The following OLA1 variants were observed in gnomAD, a reference collection of about 807,000 sequenced individuals.
OLA1 encodes obg-like ATPase 1.
In OLA1, 14 loss-of-function variants were observed where a neutral mutation model predicts 48.4. That is an observed-to-expected ratio of 0.29 (90% CI 0.19 to 0.45). The LOEUF is 0.45. OLA1 is among the 20% of genes least tolerant of loss of function. The pLI, the probability that OLA1 is intolerant of heterozygous loss-of-function variation, is 1.00. For missense variants in OLA1, 325 were observed against 467.1 expected (o/e 0.70, Z 2.80); for synonymous variants, 127 against 150.4 (o/e 0.84, Z 1.14).
At chr2:174,188,864 A>T (rs1020163581) in intron 4 of OLA1, among the ~76,000 whole-genome samples, 1 of 152,230 alleles carries the variant, frequency 6.6e-6, no homozygotes. Context: ...AAGATATCTC[A>T]TTATGTATAT....
intron 4 of OLA1, among the ~76,000 whole-genome samples, chr2:174,222,174 A>G (rs1688520277): frequency 1.3e-5 from 2 of 152,186 alleles, no homozygotes; most frequent in Admixed American, 1.3e-4. Context: ...GCTTATGCAA[A>G]CCACAGAGGT....
chr2:174,223,038 A>G lies in OLA1; in HGVS notation c.368T>C (p.Leu123Pro). Residue 123 changes from leucine to proline, a missense_variant, in exon 4 of 11, where the codon CTA becomes CCA. Transcript: ENST00000284719. Reference sequence around the variant, plus strand: ...AAATAAACAACTGTACTTACGTGTTAGATGAAAGATGCCATCACAGGCACT... The same window carrying G: ...AAATAAACAACTGTACTTACGTGTTGGATGAAAGATGCCATCACAGGCACT... ...HISACDGIFH[L>P]TRAFEDDDIT... is the part of the protein sequence containing the mutation. The G allele has an allele frequency of 6.2e-7, 1 of 1,612,130 alleles. No individual in the cohort carries two copies.
intron 5 of OLA1, among the ~76,000 whole-genome samples, chr2:174,126,371 G>T (rs2105369780): frequency 6.6e-6 from 1 of 152,194 alleles, no homozygotes; most frequent in East Asian, 1.9e-4. Flanking sequence ...TTCAGAAGTT[G>T]CCTTAGGTTC....
intron 2 of OLA1, among the ~76,000 whole-genome samples, chr2:174,234,299 T>C (rs1384129686): frequency 1.3e-5 from 2 of 152,322 alleles, no homozygotes; most frequent in African/African-American, 2.4e-5. Flanking sequence ...ATACAAAATA[T>C]AGCTTAATCA....
chr2:174,144,941 AAAAAAAAAAAATATATAT>A (rs1349683110), intron 4 of OLA1, among the ~76,000 whole-genome samples: 8 of 64,330 alleles, frequency 1.2e-4, no homozygotes, highest in Non-Finnish European at 2.5e-4. Context: ...AAAAAAAAAA[AAAAAAAAAAAATATATAT>A]ATATATATAT....
At chr2:174,098,204 G>A (rs894469243) in intron 7 of OLA1, among the ~76,000 whole-genome samples, 2 of 152,150 alleles carry the variant, frequency 1.3e-5, no homozygotes, top group Non-Finnish European at 2.9e-5. Context: ...TGTTAGATGA[G>A]AAATAAAATA....
chr2:174,172,856 G>T (rs763029033), intron 4 of OLA1: 2 of 152,434 alleles, frequency 1.3e-5, no homozygotes, highest in Non-Finnish European at 2.9e-5. Flanking sequence ...CCTCATGAAA[G>T]ACTTGGTGCT....
intron 5 of OLA1, among the ~76,000 whole-genome samples, chr2:174,137,674 G>T (rs931736841): frequency 6.6e-6 from 1 of 152,228 alleles, no homozygotes; most frequent in African/African-American, 2.4e-5. Context: ...GCAGTTTTAT[G>T]TTAGGGCTAT....
intron 4 of OLA1, among the ~76,000 whole-genome samples, chr2:174,203,764 C>A (rs565432899): frequency 6.5e-4 from 98 of 151,306 alleles, no homozygotes; most frequent in African/African-American, 2.2e-3. Flanking sequence ...GTATACTGTA[C>A]AATTTTATAT....
In OLA1 at chr2:174,123,212, A is replaced by C; in HGVS notation, c.696T>G (p.Ser232=). ...TTTTCTTTCTAATGTAGTCTTTTTC[A>C]GAAAGATTAACCAAGTAGACCATTG... The part of the protein sequence containing the change: ...SKPMVYLVNL[S]EKDYIRKKNK... Residue 232 remains serine (S), a synonymous_variant, in exon 7 of 11, where the codon TCT becomes TCG. Coordinates refer to ENST00000284719, the MANE Select transcript of OLA1 (RefSeq NM_013341.5). The C allele has an allele frequency of 6.4e-7, 1 of 1,572,558 alleles. No homozygotes were observed. The highest frequency in any genetic ancestry group is 8.7e-7 in the Non-Finnish European group (1 of 1,147,750).
At chr2:174,085,436 T>G (rs995828809) in intron 7 of OLA1, among the ~76,000 whole-genome samples, 14 of 152,298 alleles carry the variant, frequency 9.2e-5, no homozygotes, top group African/African-American at 3.1e-4. Context: ...TGTGCGCTCC[T>G]TACAAGAATC....
At position 174,140,406 on chromosome 2, in the gene OLA1, C is replaced by T. The variant is rs145721269; in HGVS notation, c.549+1419G>A. Among the ~76,000 whole-genome samples the T allele has an allele frequency of 1.1e-4, 17 of 150,956 alleles. No homozygotes were observed. The East Asian group carries it at 2.9e-3, about 26-fold the overall frequency. On this transcript the variant is annotated intron_variant, in intron 5 of 10. Coordinates refer to ENST00000284719, the MANE Select transcript of OLA1 (RefSeq NM_013341.5). ...TAATTGAGACCGAGTCTCACTCTGT[C>T]GCCCAGCCTGGAGTGCAGTGGCATG...
At chr2:174,129,224 C>T (rs1167565412) in intron 5 of OLA1, among the ~76,000 whole-genome samples, 5 of 151,974 alleles carry the variant, frequency 3.3e-5, no homozygotes, top group African/African-American at 9.7e-5. Context: ...TTTGGGAGGC[C>T]GAGGCAGGCG....
chr2:174,079,685 A>C (rs1028521302), intron 9 of OLA1, among the ~76,000 whole-genome samples: 1 of 151,928 alleles, frequency 6.6e-6, no homozygotes, highest in African/African-American at 2.4e-5. Context: ...GAAATGTCTT[A>C]TAATTAACCC....
At chr2:174,221,745 T>C (rs1055830568) in intron 4 of OLA1, among the ~76,000 whole-genome samples, 1 of 152,174 alleles carries the variant, frequency 6.6e-6, no homozygotes, top group Non-Finnish European at 1.5e-5. Context: ...TTTCAACAAA[T>C]GGTATCACAA....
At chr2:174,195,000 C>T (rs576757287) in intron 4 of OLA1, among the ~76,000 whole-genome samples, 86 of 152,156 alleles carry the variant, frequency 5.7e-4, no homozygotes, top group African/African-American at 1.9e-3. Flanking sequence ...TATTCCAGAT[C>T]GGAAGGGACC....
At chr2:174,093,333 G>A (rs1685169852) in intron 7 of OLA1, among the ~76,000 whole-genome samples, 2 of 151,886 alleles carry the variant, frequency 1.3e-5, no homozygotes, top group South Asian at 4.2e-4. Context: ...GCCAGGCATG[G>A]TGGTGAGCAC....
chr2:174,109,665 T>A (rs868193333), intron 7 of OLA1, among the ~76,000 whole-genome samples: 1 of 152,180 alleles, frequency 6.6e-6, no homozygotes, highest in Non-Finnish European at 1.5e-5. Context: ...CAATTTGGCC[T>A]GAAGCAGAGC....
intron 2 of OLA1, among the ~76,000 whole-genome samples, chr2:174,242,850 C>T (rs1039671948): frequency 4.6e-5 from 7 of 152,184 alleles, no homozygotes; most frequent in African/African-American, 1.7e-4. Context: ...TAAAGGGTCA[C>T]TCAGGTAAGA....
Sources: gnomAD v4.1 joint callset for allele counts (sites outside exome capture counted in the v4.1 genomes callset) on GRCh38, gnomAD v4.1.1 for gene constraint, MANE v1.5 for transcripts, NCBI Gene and HGNC (gene_info 2026-07-23, HGNC 2026-07-21) for gene names.